Variants in ADTRP observed in about 807,000 individuals in gnomAD.
ADTRP encodes androgen dependent TFPI regulating protein.
ADTRP carries 20 observed loss-of-function variants against 27.0 expected under a neutral mutation model. The observed-to-expected ratio is 0.74, with a 90% confidence interval of 0.52 to 1.08. The LOEUF (loss-of-function observed/expected upper bound fraction) is 1.08, where lower values mean the gene tolerates loss of function less well. Ranked by LOEUF, ADTRP falls within the 50% of genes least tolerant of loss-of-function variation. The probability of loss-of-function intolerance (pLI) is 0.00; values close to 1 mark genes in which losing one functional copy is unlikely to be tolerated. For missense variants in ADTRP, 251 were observed against 275.0 expected, an observed-to-expected ratio of 0.91 and a Z score of 0.62; for synonymous variants, 101 against 105.2, an observed-to-expected ratio of 0.96 and a Z score of 0.25.
chr6:11,769,761 T>A (rs1370293813), intron 1 of ADTRP, among the ~76,000 whole-genome samples: 2 of 152,150 alleles, frequency 1.3e-5, no homozygotes, highest in Non-Finnish European at 2.9e-5. Flanking sequence ...GCCAACCTTA[T>A]TAAGATACAC....
chr6:11,724,165 G>T, intron 4 of ADTRP, among the ~76,000 whole-genome samples: 1 of 152,320 alleles, frequency 6.6e-6, no homozygotes, highest in South Asian at 2.1e-4. Flanking sequence ...GAGAGGTATG[G>T]CCTGCTGAGA....
intron 5 of ADTRP, among the ~76,000 whole-genome samples, chr6:11,719,622 G>T (rs932344): frequency 6.6e-6 from 1 of 151,970 alleles, no homozygotes; most frequent in East Asian, 1.9e-4. Context: ...GTTCTTGACC[G>T]CTTGGTGCTT....
At chr6:11,761,853 TC>T (rs1162342285) in intron 3 of ADTRP, among the ~76,000 whole-genome samples, 1 of 152,204 alleles carries the variant, frequency 6.6e-6, no homozygotes, top group Non-Finnish European at 1.5e-5. Flanking sequence ...AGGAGCCTCT[TC>T]CCTCAAGGTT....
intron 3 of ADTRP, among the ~76,000 whole-genome samples, chr6:11,760,163 T>C (rs1763351744): frequency 6.6e-6 from 1 of 152,190 alleles, no homozygotes; most frequent in South Asian, 2.1e-4. Flanking sequence ...TCTCACCTTG[T>C]TTATTTATTG....
intron 3 of ADTRP, among the ~76,000 whole-genome samples, chr6:11,740,900 G>A (rs1393143782): frequency 6.6e-6 from 1 of 152,170 alleles, no homozygotes; most frequent in Non-Finnish European, 1.5e-5. Context: ...TAGAGCTTAT[G>A]TCTCTATGGG....
chr6:11,739,521 A>G (rs552847709), intron 3 of ADTRP, among the ~76,000 whole-genome samples: 1 of 152,346 alleles, frequency 6.6e-6, no homozygotes, highest in South Asian at 2.1e-4. Context: ...AGCATGAAGT[A>G]TTGATTTAAG....
At chr6:11,754,612 G>T (rs1763157039) in intron 3 of ADTRP, among the ~76,000 whole-genome samples, 1 of 152,210 alleles carries the variant, frequency 6.6e-6, no homozygotes, top group Non-Finnish European at 1.5e-5. Context: ...GGACCTGGAG[G>T]TGGGAGGAAG....
At chr6:11,773,237 G>C (rs1018089626) in intron 1 of ADTRP, among the ~76,000 whole-genome samples, 1 of 152,134 alleles carries the variant, frequency 6.6e-6, no homozygotes, top group African/African-American at 2.4e-5. Context: ...AGGAGAAGGG[G>C]GAGGAGGAAG....
intron 3 of ADTRP, among the ~76,000 whole-genome samples, chr6:11,750,484 C>T (rs1763010464): frequency 6.6e-6 from 1 of 152,202 alleles, no homozygotes; most frequent in Non-Finnish European, 1.5e-5. Context: ...CACCAGGAAA[C>T]AAATACAAAC....
At chr6:11,725,227 GA>G (rs1311925053) in intron 4 of ADTRP, among the ~76,000 whole-genome samples, 2 of 152,198 alleles carry the variant, frequency 1.3e-5, no homozygotes, top group South Asian at 2.1e-4. Flanking sequence ...TAAACAGTGT[GA>G]AAAGGCAATC....
intron 3 of ADTRP, among the ~76,000 whole-genome samples, chr6:11,764,981 G>A (rs1426896936): frequency 6.6e-6 from 1 of 151,220 alleles, no homozygotes; most frequent in Non-Finnish European, 1.5e-5. Flanking sequence ...AAGGTGAAGA[G>A]TTTGACAAGA....
At position 11,735,686 on chromosome 6, in the gene ADTRP, G is replaced by T. The variant is rs755181030; in HGVS notation, c.391-3C>A. ...GTGATGGGGAATATGAAAGTGTGCT[G>T]CAGGAGAGAAAATGGCAAATCAGAA... On this transcript the variant is annotated splice_region_variant and splice_polypyrimidine_tract_variant and intron_variant, in intron 3 of 5. Transcript: ENST00000414691. The T allele has an allele frequency of 5.6e-6, 9 of 1,605,874 alleles. No individual in the cohort carries two copies. The highest frequency in any genetic ancestry group is 1.1e-5 in the South Asian group (1 of 90,768).
chr6:11,719,880 C>G (rs1761960395), intron 5 of ADTRP, among the ~76,000 whole-genome samples: 1 of 102,646 alleles, frequency 9.7e-6, no homozygotes, highest in South Asian at 4.4e-4. Flanking sequence ...ATAAGATGAC[C>G]AGCAGCAGTG....
chr6:11,736,190 C>T lies in ADTRP; in HGVS notation c.391-507G>A, dbSNP rs1003474130. The T allele has an allele frequency of 5.5e-5, 9 of 162,392 alleles. No homozygotes were observed. The South Asian group carries it at 8.5e-4, about 15-fold the overall frequency. 10.1% of individuals were successfully genotyped at this position (162,392 alleles called of 1,614,324 possible). On this transcript the variant is annotated intron_variant, in intron 3 of 5. Coordinates refer to ENST00000414691, the MANE Select transcript of ADTRP (RefSeq NM_032744.4). ...CCAAAGTGCTGGCTTGGCGGCTTGG[C>T]GTAAGTCACCGTGCCTGGCCCTCTC...
At chr6:11,720,117 C>T (rs142624769) in intron 5 of ADTRP, among the ~76,000 whole-genome samples, 3 of 152,326 alleles carry the variant, frequency 2.0e-5, no homozygotes, top group East Asian at 1.9e-4. Flanking sequence ...CCACAGCCCC[C>T]GACTGCCTCC....
At chr6:11,735,867 T>C in intron 3 of ADTRP, 184 bp from the exon 4 acceptor site, 1 of 542,162 alleles carries the variant, frequency 1.8e-6, no homozygotes, top group Non-Finnish European at 3.3e-6. Context: ...TAGTCCAAAC[T>C]CCTCTGTCTG....
Position 11,771,331 on chromosome 6 carries a change from C to G in ADTRP, c.154-2948G>C, listed in dbSNP as rs111709314. 9.2e-3 allele frequency among the ~76,000 whole-genome samples: 1,403 copies of G among 152,336 alleles called. 19 individuals are homozygous for G. The highest frequency in any genetic ancestry group is 0.032 in the African/African-American group (1,330 of 41,580). ...GAGGCGTCTTTGTCCGAATTCACCA[C>G]AAGCAGGTGGAACCCCCGCGTGGGG... On this transcript the variant is annotated intron_variant, in intron 1 of 5. Coordinates refer to ENST00000414691, the MANE Select transcript of ADTRP (RefSeq NM_032744.4).
chr6:11,721,835 A>G, intron 5 of ADTRP, among the ~76,000 whole-genome samples: 1 of 152,324 alleles, frequency 6.6e-6, no homozygotes, highest in African/African-American at 2.4e-5. Flanking sequence ...AATTTCAATA[A>G]TAATAAATAT....
intron 3 of ADTRP, among the ~76,000 whole-genome samples, chr6:11,759,349 C>T (rs1376851901): frequency 6.6e-6 from 1 of 152,186 alleles, no homozygotes; most frequent in Non-Finnish European, 1.5e-5. Context: ...TTATCAATAT[C>T]CTTTGAGATC....
Sources: gnomAD v4.1 joint callset for allele counts (sites outside exome capture counted in the v4.1 genomes callset) on GRCh38, gnomAD v4.1.1 for gene constraint, MANE v1.5 for transcripts, NCBI Gene and HGNC (gene_info 2026-07-23, HGNC 2026-07-21) for gene names.